The following CSMD3 variants were observed in gnomAD, a reference collection of about 807,000 sequenced individuals.
CSMD3 encodes the protein CUB and sushi domain-containing protein 3.
Under a neutral mutation model 435.2 loss-of-function variants are expected in CSMD3, and 177 were observed. The ratio of observed to expected loss-of-function variants is 0.41; its 90% CI spans 0.36 to 0.46. The LOEUF is 0.46. CSMD3 is among the 20% of genes least tolerant of loss of function. The pLI, the probability that CSMD3 is intolerant of heterozygous loss-of-function variation, is 0.34. For missense variants in CSMD3, 4,265 were observed against 4,504.6 expected (o/e 0.95, Z 1.52); for synonymous variants, 1,656 against 1,520.5 (o/e 1.09, Z -2.07).
At chr8:112,998,125 T>C (rs575751551) in intron 6 of CSMD3, among the ~76,000 whole-genome samples, 1 of 151,928 alleles carries the variant, frequency 6.6e-6, no homozygotes, top group Admixed American at 6.6e-5. Flanking sequence ...AACATGGAAC[T>C]CTTTCCACAT....
intron 6 of CSMD3, among the ~76,000 whole-genome samples, chr8:112,995,683 G>T (rs1190485235): frequency 6.6e-6 from 1 of 151,294 alleles, no homozygotes; most frequent in Admixed American, 6.6e-5. Context: ...AGCAAAACTA[G>T]TCAAAAGAAA....
At chr8:112,653,702 C>A (rs1220981919) in intron 18 of CSMD3, among the ~76,000 whole-genome samples, 2 of 149,632 alleles carry the variant, frequency 1.3e-5, no homozygotes, top group Non-Finnish European at 3.0e-5. Context: ...CTCTGTCACC[C>A]AGGCTGGAGT....
intron 32 of CSMD3, among the ~76,000 whole-genome samples, chr8:112,449,971 G>A (rs779474533): frequency 3.3e-5 from 5 of 152,088 alleles, no homozygotes; most frequent in Admixed American, 6.5e-5. Context: ...TTATCCACCC[G>A]CCTCAGACTC....
At chr8:112,530,127 C>T (rs907195034) in intron 27 of CSMD3, among the ~76,000 whole-genome samples, 2 of 151,642 alleles carry the variant, frequency 1.3e-5, no homozygotes, top group Non-Finnish European at 2.9e-5. Flanking sequence ...GCAAAAAGAA[C>T]AAAATAATGA....
intron 31 of CSMD3, among the ~76,000 whole-genome samples, chr8:112,487,196 C>A (rs749608133): frequency 6.6e-6 from 1 of 152,132 alleles, no homozygotes; most frequent in African/African-American, 2.4e-5. Flanking sequence ...AATCTTTATT[C>A]AGGATATAGA....
intron 10 of CSMD3, among the ~76,000 whole-genome samples, chr8:112,867,645 T>C (rs1435740711): frequency 6.6e-6 from 1 of 152,098 alleles, no homozygotes; most frequent in Non-Finnish European, 1.5e-5. Context: ...TGCAGACAAT[T>C]AGAACACAAT....
chr8:112,700,825 G>A (rs1377898099), intron 13 of CSMD3, among the ~76,000 whole-genome samples: 1 of 152,138 alleles, frequency 6.6e-6, no homozygotes, highest in African/African-American at 2.4e-5. Context: ...AAATTGTGGA[G>A]AATTTAAAGC....
intron 5 of CSMD3, among the ~76,000 whole-genome samples, chr8:113,033,801 A>T (rs1443697812): frequency 6.6e-6 from 1 of 151,318 alleles, no homozygotes; most frequent in Non-Finnish European, 1.5e-5. Flanking sequence ...TTGGCTCTGT[A>T]TCCCCAACCA....
intron 1 of CSMD3, among the ~76,000 whole-genome samples, chr8:113,317,979 C>T (rs991316882): frequency 1.3e-5 from 2 of 152,154 alleles, no homozygotes; most frequent in Non-Finnish European, 2.9e-5. Flanking sequence ...TACCATTCTC[C>T]TAATGATAAC....
chr8:113,078,131 T>C (rs763745396), intron 5 of CSMD3, among the ~76,000 whole-genome samples: 1 of 152,156 alleles, frequency 6.6e-6, no homozygotes, highest in Non-Finnish European at 1.5e-5. Flanking sequence ...CCATTTACAG[T>C]CACACAGGCT....
intron 6 of CSMD3, among the ~76,000 whole-genome samples, chr8:113,004,796 ATTAT>A (rs1019452418): frequency 4.6e-5 from 7 of 151,896 alleles, no homozygotes; most frequent in Non-Finnish European, 7.4e-5. Context: ...GTATAAATAA[ATTAT>A]TTATTTATGG....
At chr8:113,296,007 T>C (rs1563664302) in intron 2 of CSMD3, among the ~76,000 whole-genome samples, 5 of 152,042 alleles carry the variant, frequency 3.3e-5, no homozygotes, top group Admixed American at 3.3e-4. Flanking sequence ...GGGACATGGA[T>C]GAAGGTGGAA....
intron 12 of CSMD3, among the ~76,000 whole-genome samples, chr8:112,819,719 C>G (rs973794990): frequency 1.3e-5 from 2 of 152,088 alleles, no homozygotes; most frequent in African/African-American, 4.8e-5. Context: ...CAGAACAAAA[C>G]TAGAAATCAC....
At chr8:113,305,152 G>A (rs1157669442) in intron 2 of CSMD3, among the ~76,000 whole-genome samples, 2 of 144,404 alleles carry the variant, frequency 1.4e-5, no homozygotes, top group African/African-American at 5.1e-5. Context: ...GGACTGTTGT[G>A]GGGTTGGGGG....
intron 10 of CSMD3, among the ~76,000 whole-genome samples, chr8:112,879,412 C>A (rs2081385348): frequency 6.6e-6 from 1 of 152,106 alleles, no homozygotes; most frequent in African/African-American, 2.4e-5. Context: ...TTATCAATGA[C>A]TATGTGTGCC....
At chr8:112,987,923 G>A (rs1206952437) in intron 6 of CSMD3, among the ~76,000 whole-genome samples, 1 of 151,866 alleles carries the variant, frequency 6.6e-6, no homozygotes, top group Non-Finnish European at 1.5e-5. Flanking sequence ...GAAAAGAGGA[G>A]GGCAATGATG....
rs150899914 is a variant in CSMD3, at chr8:113,193,636, G to C, written c.515-19720C>G. On this transcript the variant is annotated intron_variant, in intron 3 of 70. Transcript: ENST00000297405. ...AATGTTTGAGATGGGTTTCAGGAGA[G>C]AGTAATAGACCACGTGTTTCCTCTT... 9.2e-5 allele frequency among the ~76,000 whole-genome samples: 14 copies of C among 151,526 alleles called. No homozygotes were observed. The East Asian group carries it at 2.7e-3, about 30-fold the overall frequency.
intron 1 of CSMD3, among the ~76,000 whole-genome samples, chr8:113,407,633 A>C (rs2094538591): frequency 6.6e-6 from 1 of 151,988 alleles, no homozygotes; most frequent in Non-Finnish European, 1.5e-5. Flanking sequence ...AGCACGGCCA[A>C]TTTGACAGTG....
chr8:113,008,529 G>T (rs1270933942), intron 6 of CSMD3, among the ~76,000 whole-genome samples: 1 of 151,658 alleles, frequency 6.6e-6, no homozygotes, highest in African/African-American at 2.4e-5. Context: ...CTGAGAAACT[G>T]AATTTTTAAT....
Sources: allele counts gnomAD v4.1 joint callset (sites outside exome capture counted in the v4.1 genomes callset), GRCh38; gene constraint gnomAD v4.1.1; transcripts MANE v1.5; gene names NCBI Gene and HGNC (gene_info 2026-07-23, HGNC 2026-07-21).